INTU: variants seen among roughly 807,000 people sequenced by gnomAD.
INTU encodes protein inturned.
A neutral mutation model predicts 100.5 loss-of-function variants in INTU; 68 were observed. The ratio of observed to expected loss-of-function variants is 0.68; its 90% CI spans 0.56 to 0.83. The LOEUF is 0.83. INTU is among the 40% of genes least tolerant of loss of function. INTU has a pLI of 0.00. For missense variants in INTU, 1,071 were observed against 1,114.7 expected, an observed-to-expected ratio of 0.96 and a Z score of 0.56; for synonymous variants, 357 against 395.7, an observed-to-expected ratio of 0.90 and a Z score of 1.16.
intron 6 of INTU, chr4:127,675,935 T>A (rs965033803): frequency 3.1e-6 from 1 of 319,840 alleles, no homozygotes; most frequent in African/African-American, 2.2e-5. Flanking sequence ...CCCACACTCA[T>A]GGGGAGAGGA....
intron 5 of INTU, 90 bp from the exon 6 acceptor site, chr4:127,674,034 C>A: frequency 5.3e-6 from 4 of 752,192 alleles, no homozygotes; most frequent in Non-Finnish European, 8.1e-6. Context: ...GTTCTTAAAT[C>A]ATACCATATG....
chr4:127,634,915 T>C (rs541733285), intron 1 of INTU, among the ~76,000 whole-genome samples: 56 of 152,332 alleles, frequency 3.7e-4, no homozygotes, highest in Non-Finnish European at 1.0e-4. Context: ...CTTCCCAACT[T>C]GTACAGAACC....
At chr4:127,645,830 C>T (rs1053436829) in intron 2 of INTU, among the ~76,000 whole-genome samples, 1 of 152,042 alleles carries the variant, frequency 6.6e-6, no homozygotes, top group Non-Finnish European at 1.5e-5. Flanking sequence ...TCACAAAGTG[C>T]TGGGATTACA....
chr4:127,703,655 T>C (rs550600994), intron 9 of INTU, among the ~76,000 whole-genome samples: 2 of 152,300 alleles, frequency 1.3e-5, no homozygotes, highest in East Asian at 3.8e-4. Flanking sequence ...TTCTGTGGTA[T>C]ATCTAGTTTT....
intron 9 of INTU, 41 bp from the exon 10 acceptor site, chr4:127,704,187 A>C (rs1454364688): frequency 6.6e-7 from 1 of 1,526,466 alleles, no homozygotes. Context: ...TTTATCACAA[A>C]AAAATAAAAA....
rs1215427978 is a variant in INTU, at chr4:127,726,016, A to T, written c.*9580A>T. The T allele has an allele frequency of 6.6e-6, 1 of 152,212 alleles. No homozygotes were observed. Among genetic ancestry groups the T allele is most frequent in the Non-Finnish European group, 1.5e-5 (1 of 68,034 alleles). 9.4% of individuals were successfully genotyped at this position (152,212 alleles called of 1,614,324 possible). ...CGTTGTTAAATTGGATTTTATTAGT[A>T]TGCAAATGTTCCCTTCCACCAACAA... On this transcript the variant is annotated 3_prime_UTR_variant, in exon 16 of 16. Coordinates refer to ENST00000335251, the MANE Select transcript of INTU (RefSeq NM_015693.4).
At chr4:127,647,456 C>T (rs1299435304) in intron 2 of INTU, among the ~76,000 whole-genome samples, 1 of 152,192 alleles carries the variant, frequency 6.6e-6, no homozygotes, top group Non-Finnish European at 1.5e-5. Flanking sequence ...CTCTCTCATG[C>T]TGACCCTGAC....
rs78813057 is a variant in INTU, at chr4:127,676,288, T to C, written c.1181+2075T>C. 8.4e-3 allele frequency among the ~76,000 whole-genome samples: 1,284 copies of C among 152,074 alleles called. 6 individuals are homozygous for C. Among genetic ancestry groups the C allele is most frequent in the Non-Finnish European group, 0.015 (1,014 of 67,952 alleles). Reference sequence around the variant, plus strand: ...GATTATGAAGAACGAAGGAGTTGTTTAGAAAGTATGGCTCTACAGCCAGGC... The same window carrying C: ...GATTATGAAGAACGAAGGAGTTGTTCAGAAAGTATGGCTCTACAGCCAGGC... On this transcript the variant is annotated intron_variant, in intron 6 of 15. Coordinates refer to ENST00000335251, the MANE Select transcript of INTU (RefSeq NM_015693.4).
chr4:127,678,700 G>A (rs1729360400), intron 6 of INTU, among the ~76,000 whole-genome samples: 1 of 152,112 alleles, frequency 6.6e-6, no homozygotes, highest in Non-Finnish European at 1.5e-5. Context: ...CAACTAACGA[G>A]CAAAATAACC....
rs532782570 is a variant in INTU, at chr4:127,677,962, T to C, written c.1181+3749T>C. Among the ~76,000 whole-genome samples, 32 of 152,214 alleles carry C rather than the reference T, an allele frequency of 2.1e-4. 1 individual carries two copies. The highest frequency in any genetic ancestry group is 6.7e-4 in the African/African-American group (28 of 41,528). ...AGAACTACGTGAAGAATGCAGAAGC[T>C]TCAGGAGCCGATGCAATCAACTGGA... On this transcript the variant is annotated intron_variant, in intron 6 of 15. Transcript: ENST00000335251.
intron 2 of INTU, among the ~76,000 whole-genome samples, chr4:127,655,302 C>T (rs906645002): frequency 2.2e-4 from 34 of 152,130 alleles, no homozygotes; most frequent in African/African-American, 7.0e-4. Context: ...AGGTGCTCTG[C>T]GTTTTAGAGT....
chr4:127,662,588 C>T (rs1728521823), intron 3 of INTU, among the ~76,000 whole-genome samples: 1 of 152,048 alleles, frequency 6.6e-6, no homozygotes, highest in Non-Finnish European at 1.5e-5. Flanking sequence ...ATACTTCATC[C>T]CTAAGTACTT....
At chr4:127,708,481 TC>T (rs1352701944) in intron 12 of INTU, 89 bp from the exon 13 acceptor site, 1 of 673,244 alleles carries the variant, frequency 1.5e-6, no homozygotes, top group African/African-American at 1.8e-5. Flanking sequence ...GGTAAGTAGT[TC>T]CCTCAGAAGG....
At chr4:127,708,229 G>A (rs2148734045) in intron 12 of INTU, among the ~76,000 whole-genome samples, 1 of 152,212 alleles carries the variant, frequency 6.6e-6, no homozygotes. Flanking sequence ...AAGTGCCAAG[G>A]GCCATACTAC....
chr4:127,707,915 A>G (rs1015598884), intron 12 of INTU, among the ~76,000 whole-genome samples: 1 of 152,182 alleles, frequency 6.6e-6, no homozygotes, highest in African/African-American at 2.4e-5. Context: ...GATGGAGGTG[A>G]CACCAGATGA....
chr4:127,678,399 T>A (rs1028745987), intron 6 of INTU, among the ~76,000 whole-genome samples: 15 of 152,146 alleles, frequency 9.9e-5, no homozygotes, highest in Non-Finnish European at 1.9e-4. Flanking sequence ...TAACAGTGGA[T>A]CTCTCGGCAG....
At chr4:127,669,834 A>T (rs1728845249) in intron 5 of INTU, among the ~76,000 whole-genome samples, 1 of 151,908 alleles carries the variant, frequency 6.6e-6, no homozygotes, top group Non-Finnish European at 1.5e-5. Flanking sequence ...TAAAAGGAAG[A>T]CTTGACACTA....
At chr4:127,698,499 C>G (rs1040412602) in intron 8 of INTU, among the ~76,000 whole-genome samples, 1 of 151,306 alleles carries the variant, frequency 6.6e-6, no homozygotes, top group Non-Finnish European at 1.5e-5. Context: ...GGTAACATGC[C>G]TGGCAATTTT....
intron 2 of INTU, among the ~76,000 whole-genome samples, chr4:127,655,045 A>T (rs923441149): frequency 6.6e-6 from 1 of 151,932 alleles, no homozygotes; most frequent in Non-Finnish European, 1.5e-5. Flanking sequence ...TTCTTCACGT[A>T]GTTCTCGAGC....
Sources: allele counts gnomAD v4.1 joint callset (sites outside exome capture counted in the v4.1 genomes callset), GRCh38; gene constraint gnomAD v4.1.1; transcripts MANE v1.5; gene names NCBI Gene and HGNC (gene_info 2026-07-23, HGNC 2026-07-21).